Variants in PKHD1L1 observed in about 807,000 individuals in gnomAD.
The protein encoded by PKHD1L1 is PKHD1 like 1.
Under a neutral mutation model 462.9 loss-of-function variants are expected in PKHD1L1, and 434 were observed. That is an observed-to-expected ratio of 0.94 (90% CI 0.87 to 1.02). The LOEUF is 1.02. Among genes scored for constraint, PKHD1L1 ranks in the 50% least tolerant of loss-of-function variants. The pLI, the probability that PKHD1L1 is intolerant of heterozygous loss-of-function variation, is 0.00. For synonymous variants in PKHD1L1, 1,781 were observed against 1,750.0 expected, an observed-to-expected ratio of 1.02 and a Z score of -0.44; for missense variants, 5,202 against 5,096.1, an observed-to-expected ratio of 1.02 and a Z score of -0.63.
chr8:109,438,046 C>G (rs1165069676), intron 30 of PKHD1L1, among the ~76,000 whole-genome samples: 3 of 152,048 alleles, frequency 2.0e-5, no homozygotes, highest in Non-Finnish European at 4.4e-5. Flanking sequence ...AGCATCTCAA[C>G]AATATTGTAG....
Position 109,445,047 on chromosome 8 carries a change from T to C in PKHD1L1, c.5178T>C (p.Leu1726=). 3 of 1,613,756 alleles carry C rather than the reference T, an allele frequency of 1.9e-6. No homozygotes were observed. Among genetic ancestry groups the C allele is most frequent in the Non-Finnish European group, 2.5e-6 (3 of 1,179,806 alleles). The change falls in exon 38 of 78, where the codon CTT becomes CTC. Residue 1726 remains leucine, a synonymous_variant. Coordinates refer to ENST00000378402, the MANE Select transcript of PKHD1L1 (RefSeq NM_177531.6). The part of the protein sequence containing the change: ...PAAQQLVDVD[L]LIHGVPAQCQ... ...CCCAACAGCTTGTGGATGTAGATCT[T>C]CTAATACATGGAGTGCCTGCCCAGT...
At chr8:109,480,375 G>T (rs928129475) in intron 55 of PKHD1L1, among the ~76,000 whole-genome samples, 1 of 151,974 alleles carries the variant, frequency 6.6e-6, no homozygotes, top group African/African-American at 2.4e-5. Flanking sequence ...AGTTGGCCCA[G>T]TTTCCATTGT....
chr8:109,382,235 C>T (rs1163560339), intron 3 of PKHD1L1, among the ~76,000 whole-genome samples: 1 of 151,988 alleles, frequency 6.6e-6, no homozygotes, highest in Non-Finnish European at 1.5e-5. Context: ...TGTGCACAGT[C>T]GGAATATGCA....
In PKHD1L1 at chr8:109,414,487, CT is replaced by C. The variant is rs369895866; in HGVS notation, c.2360+952del. On this transcript the variant is annotated intron_variant, in intron 21 of 77. Transcript: ENST00000378402. ...GGATCTCCATATCTTGAAAATATTC[CT>C]TTTTTTTTTGCTTTTTCTTCTGTTA... is the stretch of plus-strand genomic sequence containing the variant. Among the ~76,000 whole-genome samples, 1,254 of 145,506 alleles carry C rather than the reference CT, an allele frequency of 8.6e-3. 12 individuals carry two copies. The highest frequency in any genetic ancestry group is 0.013 in the South Asian group (58 of 4,558).
At chr8:109,431,623 A>G (rs1225057622) in intron 27 of PKHD1L1, among the ~76,000 whole-genome samples, 1 of 152,184 alleles carries the variant, frequency 6.6e-6, no homozygotes, top group Non-Finnish European at 1.5e-5. Flanking sequence ...TACTTTTGTC[A>G]TTCAGAATTC....
At chr8:109,433,249 G>A in intron 28 of PKHD1L1, 33 bp downstream of exon 28, 1 of 1,476,362 alleles carries the variant, frequency 6.8e-7, no homozygotes, top group Non-Finnish European at 9.4e-7. Flanking sequence ...AAGTCTAATT[G>A]TTCTTCTCTA....
Position 109,530,899 on chromosome 8 carries a change from T to C in PKHD1L1, c.*809T>C, listed in dbSNP as rs141943425. On this transcript the variant is annotated 3_prime_UTR_variant, in exon 78 of 78. Transcript: ENST00000378402. ...TTTACTGGATGAATGAAGTATAAAG[T>C]GTGGGAAGTCAACAACAGAACAGAA... Among the ~76,000 whole-genome samples, 428 of 152,222 alleles carry C rather than the reference T, an allele frequency of 2.8e-3. 2 individuals carry two copies. The highest frequency in any genetic ancestry group is 9.7e-3 in the African/African-American group (403 of 41,532).
At chr8:109,498,365 T>G in intron 65 of PKHD1L1, 97 bp from the exon 66 acceptor site, 1 of 729,596 alleles carries the variant, frequency 1.4e-6, no homozygotes, top group South Asian at 2.0e-5. Flanking sequence ...CCTCCCAAAG[T>G]GCTGGGATTA....
chr8:109,469,612 G>T (rs1817620133), intron 50 of PKHD1L1, among the ~76,000 whole-genome samples: 1 of 152,092 alleles, frequency 6.6e-6, no homozygotes, highest in African/African-American at 2.4e-5. Flanking sequence ...TCCTTATGAT[G>T]ATATAAGTTA....
intron 19 of PKHD1L1, among the ~76,000 whole-genome samples, chr8:109,410,705 TTTTTC>T (rs138802186): frequency 2.5e-5 from 3 of 120,526 alleles, no homozygotes; most frequent in Middle Eastern, 3.7e-3. Flanking sequence ...GGTATTTTCT[TTTTTC>T]TTTTCTTTTC....
intron 52 of PKHD1L1, 107 bp downstream of exon 52, chr8:109,476,774 A>C (rs1278363140): frequency 1.0e-6 from 1 of 958,874 alleles, no homozygotes; most frequent in South Asian, 1.9e-5. Flanking sequence ...TATATACAGG[A>C]TCCAATAAAT....
intron 51 of PKHD1L1, among the ~76,000 whole-genome samples, chr8:109,475,756 G>A (rs1817951865): frequency 6.7e-6 from 1 of 149,440 alleles, no homozygotes; most frequent in Non-Finnish European, 1.5e-5. Flanking sequence ...ACTGGGGCAG[G>A]AGAATCGCTT....
intron 1 of PKHD1L1, 50 bp downstream of exon 1, chr8:109,362,703 C>T (rs761568244): frequency 6.5e-7 from 1 of 1,541,024 alleles, no homozygotes; most frequent in South Asian, 1.2e-5. Flanking sequence ...CCCGCGTAGA[C>T]ACTACCCCTG....
At position 109,388,504 on chromosome 8, in the gene PKHD1L1, A is replaced by T. The variant is rs1378887043; in HGVS notation, c.577A>T (p.Ile193Phe). 3.3e-6 allele frequency: 5 copies of T among 1,511,866 alleles called. No individual in the cohort carries two copies. Among genetic ancestry groups the T allele is most frequent in the Admixed American group, 2.0e-5 (1 of 49,892 alleles). The allele number at this position is 1,511,866 out of a possible 1,614,324, so 93.7% of individuals were successfully genotyped here. A position where few individuals can be genotyped will look rare whatever the true frequency, so the allele number is the denominator to read the frequency against. The change falls in exon 7 of 78, where the codon ATT becomes TTT. Residue 193 changes from isoleucine (I) to phenylalanine (F), a missense_variant. Coordinates refer to ENST00000378402, the MANE Select transcript of PKHD1L1 (RefSeq NM_177531.6). Reference protein sequence around the residue: ...GKNVRILRVYIGGMPCELLIP... With the variant: ...GKNVRILRVYFGGMPCELLIP... ...ATAAAAATATTTGTACAGAGTTTAC[A>T]TTGGAGGAATGCCCTGTGAGCTTCT...
Position 109,456,258 on chromosome 8 carries a change from C to T in PKHD1L1, c.6875-4C>T. 1 of 1,610,730 alleles carries T rather than the reference C, an allele frequency of 6.2e-7. No homozygotes were observed. Among genetic ancestry groups the T allele is most frequent in the Non-Finnish European group, 8.5e-7 (1 of 1,178,564 alleles). On this transcript the variant is annotated splice_polypyrimidine_tract_variant and splice_region_variant and intron_variant, in intron 45 of 77. Transcript: ENST00000378402. The stretch of plus-strand genomic sequence containing the variant: ...GAAATACTCAGTGTGTATGTTGGTT[C>T]TAGGTGTGCCTGTTCCTGTGACCTG...
intron 39 of PKHD1L1, among the ~76,000 whole-genome samples, chr8:109,448,678 AT>A (rs367739308): frequency 2.7e-5 from 4 of 150,812 alleles, no homozygotes; most frequent in East Asian, 1.9e-4. Context: ...TGCCTGGCTA[AT>A]TTTTTTTTGT....
rs578027869 is a variant in PKHD1L1 at position 109,448,504 on chromosome 8, T to G, written c.6025+113T>G. On this transcript the variant is annotated intron_variant, in intron 39 of 77. Transcript: ENST00000378402. ...AAACACATAAAATTTCTAGTGTTTT[T>G]TTTGTTTGTTTGGTTTTTTTTTTTT... 187 of 1,243,352 alleles carry G rather than the reference T, an allele frequency of 1.5e-4. 3 individuals carry two copies. In the Middle Eastern group the frequency reaches 8.3e-3, roughly 55 times the overall value. The allele number at this position is 1,243,352 out of a possible 1,614,324, so 77.0% of individuals were successfully genotyped here. A position where few individuals can be genotyped will look rare whatever the true frequency, so the allele number is the denominator to read the frequency against.
At chr8:109,394,840 G>A (rs767730899) in intron 10 of PKHD1L1, among the ~76,000 whole-genome samples, 71 of 152,282 alleles carry the variant, frequency 4.7e-4, no homozygotes, top group Admixed American at 1.9e-3. Context: ...TTTACGATGG[G>A]GTGACCCCAT....
In PKHD1L1 at chr8:109,419,101, A is replaced by G. The variant is rs200488654; in HGVS notation, c.2365A>G (p.Thr789Ala). 35 of 1,611,746 alleles carry G rather than the reference A, an allele frequency of 2.2e-5. No homozygotes were observed. The highest frequency in any genetic ancestry group is 3.0e-5 in the Non-Finnish European group (35 of 1,178,512). Residue 789 changes from threonine (T) to alanine (A), a missense_variant, in exon 22 of 78, where the codon ACT (threonine) becomes GCT (alanine). Coordinates refer to ENST00000378402, the MANE Select transcript of PKHD1L1 (RefSeq NM_177531.6). ...AATTAATCAACCGTATTTCAGCTGG[A>G]CTTACACTTGCATAGACCTTCTGGA... is the stretch of plus-strand genomic sequence containing the variant. The part of the protein sequence containing the change: ...TYNFAYGNNW[T>A]YTCIDLLDLV...
Sources: allele counts gnomAD v4.1 joint callset (sites outside exome capture counted in the v4.1 genomes callset), GRCh38; gene constraint gnomAD v4.1.1; transcripts MANE v1.5; gene names NCBI Gene and HGNC (gene_info 2026-07-23, HGNC 2026-07-21).